CPNE4: variants seen among roughly 807,000 people sequenced by gnomAD.
The protein encoded by CPNE4 is copine 4, also known as copine-4.
CPNE4 carries 25 observed loss-of-function variants against 67.9 expected under a neutral mutation model. That is an observed-to-expected ratio of 0.37 (90% CI 0.27 to 0.51). The LOEUF is 0.51. Ranked by LOEUF, CPNE4 falls within the 20% of genes least tolerant of loss-of-function variation. The pLI is 0.93. For missense variants in CPNE4, 464 were observed against 690.8 expected (o/e 0.67, Z 3.68); for synonymous variants, 242 against 244.9 (o/e 0.99, Z 0.11).
chr3:131,765,890 A>C (rs1030892344), intron 2 of CPNE4, among the ~76,000 whole-genome samples: 6 of 152,082 alleles, frequency 3.9e-5, no homozygotes, highest in African/African-American at 1.4e-4. Context: ...ATTGGGACCA[A>C]ATGGTGCAAG....
At chr3:131,852,878 A>G (rs1456223457) in intron 2 of CPNE4, among the ~76,000 whole-genome samples, 2 of 151,610 alleles carry the variant, frequency 1.3e-5, no homozygotes, top group Admixed American at 6.6e-5. Context: ...ATAAAAATAA[A>G]TAAAATACCT....
chr3:131,536,224 T>C (rs1935137404), intron 15 of CPNE4, among the ~76,000 whole-genome samples: 1 of 152,174 alleles, frequency 6.6e-6, no homozygotes, highest in African/African-American at 2.4e-5. Context: ...ATCAGCCTTA[T>C]GGATCTACTG....
At chr3:131,642,872 T>A (rs57046054) in intron 7 of CPNE4, among the ~76,000 whole-genome samples, 45,227 of 152,026 alleles carry the variant, frequency 0.3, 10,585 homozygotes, top group African/African-American at 0.65. Context: ...CCTGTCTAGG[T>A]TATTTCTTCA....
chr3:131,653,324 T>G (rs1355316165), intron 7 of CPNE4, among the ~76,000 whole-genome samples: 2 of 151,942 alleles, frequency 1.3e-5, no homozygotes, highest in East Asian at 3.9e-4. Flanking sequence ...TTTTTGTATT[T>G]TTTTTAGTAC....
chr3:131,744,381 T>C lies in CPNE4; in HGVS notation c.181-20756A>G, dbSNP rs551505886. Among the ~76,000 whole-genome samples, 279 of 78,578 alleles carry C rather than the reference T, an allele frequency of 3.6e-3. 1 individual carries two copies. The highest frequency in any genetic ancestry group is 6.2e-3 in the Non-Finnish European group (210 of 33,944). The allele number at this position is 78,578 out of a possible 152,430, so 51.6% of individuals were successfully genotyped here. On this transcript the variant is annotated intron_variant, in intron 2 of 15. Coordinates refer to ENST00000429747, the MANE Select transcript of CPNE4 (RefSeq NM_130808.3). ...TAAACTTACTTTTTAGTGAAACTTT[T>C]TATTTTGTGTCAGTTGTAGATTCAC...
chr3:131,853,589 C>A (rs57604013), intron 2 of CPNE4, among the ~76,000 whole-genome samples: 48,371 of 151,406 alleles, frequency 0.32, 8,238 homozygotes, highest in African/African-American at 0.42. Flanking sequence ...AAAGTTTAAC[C>A]AAACTTTTTT....
intron 2 of CPNE4, among the ~76,000 whole-genome samples, chr3:131,776,000 A>C (rs1296646803): frequency 6.6e-6 from 1 of 152,172 alleles, no homozygotes; most frequent in Non-Finnish European, 1.5e-5. Flanking sequence ...ATAATTGTGA[A>C]GCAGCAGACA....
intron 7 of CPNE4, among the ~76,000 whole-genome samples, chr3:131,637,380 T>TA (rs1469434834): frequency 1.3e-5 from 2 of 152,184 alleles, no homozygotes; most frequent in African/African-American, 4.8e-5. Context: ...ATGAAATACT[T>TA]AGAGTAATGC....
chr3:131,983,081 G>C (rs1033759365), intron 1 of CPNE4, among the ~76,000 whole-genome samples: 1 of 151,914 alleles, frequency 6.6e-6, no homozygotes, highest in Non-Finnish European at 1.5e-5. Flanking sequence ...AATACTATAA[G>C]AACACTAATA....
chr3:131,749,087 C>T (rs1481224524), intron 2 of CPNE4, among the ~76,000 whole-genome samples: 2 of 151,906 alleles, frequency 1.3e-5, no homozygotes, highest in Admixed American at 6.6e-5. Flanking sequence ...GTATTAGAAG[C>T]GCACTCAGCA....
At chr3:131,596,623 A>G (rs1262057524) in intron 7 of CPNE4, among the ~76,000 whole-genome samples, 6 of 85,614 alleles carry the variant, frequency 7.0e-5, no homozygotes, top group African/African-American at 2.5e-4. Context: ...CTCCGTCTCA[A>G]AAAAAAAAAA....
At chr3:131,624,808 C>T (rs2079026300) in intron 7 of CPNE4, among the ~76,000 whole-genome samples, 1 of 152,204 alleles carries the variant, frequency 6.6e-6, no homozygotes, top group South Asian at 2.1e-4. Flanking sequence ...TCCCTACACT[C>T]ACATAGCACT....
intron 7 of CPNE4, among the ~76,000 whole-genome samples, chr3:131,599,376 A>G (rs958164185): frequency 1.1e-4 from 16 of 152,162 alleles, no homozygotes; most frequent in African/African-American, 3.9e-4. Context: ...TTCTCACTGT[A>G]GACTTGACAA....
At chr3:131,580,295 A>G (rs1305811987) in intron 9 of CPNE4, among the ~76,000 whole-genome samples, 2 of 152,160 alleles carry the variant, frequency 1.3e-5, no homozygotes, top group Non-Finnish European at 2.9e-5. Context: ...TGTAAACATA[A>G]CTTTTATATG....
intron 1 of CPNE4, among the ~76,000 whole-genome samples, chr3:131,926,647 T>G (rs1216783330): frequency 6.6e-6 from 1 of 152,134 alleles, no homozygotes; most frequent in Non-Finnish European, 1.5e-5. Context: ...TCAGCTATTT[T>G]AAGTGGGAAT....
chr3:131,612,248 C>T (rs184386581), intron 7 of CPNE4, among the ~76,000 whole-genome samples: 48 of 152,206 alleles, frequency 3.2e-4, no homozygotes, highest in Admixed American at 2.7e-3. Context: ...GTGGCGGGCA[C>T]CTGTAATCCC....
chr3:131,665,998 T>A (rs566234564), intron 7 of CPNE4, among the ~76,000 whole-genome samples: 1 of 152,146 alleles, frequency 6.6e-6, no homozygotes, highest in Non-Finnish European at 1.5e-5. Flanking sequence ...TGGGTTTTTT[T>A]CTGGTATTAG....
rs541710566 is a variant in CPNE4, at chr3:131,776,181, C to T, written c.181-52556G>A. 1.2e-4 allele frequency among the ~76,000 whole-genome samples: 19 copies of T among 152,260 alleles called. 1 individual carries two copies. In the South Asian group the frequency reaches 3.9e-3, roughly 32 times the overall value. On this transcript the variant is annotated intron_variant, in intron 2 of 15. Transcript: ENST00000429747. ...CTCACGAGTTTTCCAGTAAGCCTCT[C>T]AAACCAATGAAGCATCTTACTCAGT...
rs535518953 is a variant in CPNE4, at chr3:131,667,068, G to T, written c.681+2607C>A. Among the ~76,000 whole-genome samples the T allele has an allele frequency of 1.4e-4, 22 of 152,282 alleles. No homozygotes were observed. The South Asian group carries it at 4.1e-3, about 29-fold the overall frequency. On this transcript the variant is annotated intron_variant, in intron 7 of 15. Coordinates refer to ENST00000429747, the MANE Select transcript of CPNE4 (RefSeq NM_130808.3). ...AGCAATGTTAGCAATACATACTGAAGTATTTTCTGATGAGATGACAAGATG... is the reference window on the plus strand; with the variant it reads ...AGCAATGTTAGCAATACATACTGAATTATTTTCTGATGAGATGACAAGATG...
Sources: gnomAD v4.1 joint callset for allele counts (sites outside exome capture counted in the v4.1 genomes callset) on GRCh38, gnomAD v4.1.1 for gene constraint, MANE v1.5 for transcripts, NCBI Gene and HGNC (gene_info 2026-07-23, HGNC 2026-07-21) for gene names.